NRSN1: variants seen among roughly 807,000 people sequenced by gnomAD.
NRSN1 encodes neurensin 1.
In NRSN1, 14 loss-of-function variants were observed where a neutral mutation model predicts 17.3. That is an observed-to-expected ratio of 0.81 (90% confidence interval 0.54 to 1.27). NRSN1 has a LOEUF of 1.27. NRSN1 is among the 50% of genes most tolerant of loss of function. The pLI is 0.00. For missense variants in NRSN1, 209 were observed against 235.9 expected (o/e 0.89, Z 0.75); for synonymous variants, 79 against 94.2 (o/e 0.84, Z 0.93).
chr6:24,143,436 A>G (rs957195486), intron 3 of NRSN1, among the ~76,000 whole-genome samples: 2 of 152,254 alleles, frequency 1.3e-5, no homozygotes, highest in Non-Finnish European at 2.9e-5. Flanking sequence ...TAGATGTTCA[A>G]TAATACCAGT....
chr6:24,145,494 C>T lies in NRSN1; in HGVS notation c.190-54C>T, dbSNP rs1257207801. 3.2e-5 allele frequency: 45 copies of T among 1,423,112 alleles called. No homozygotes were observed. The highest frequency in any genetic ancestry group is 6.8e-5 in the Admixed American group (3 of 44,054). The allele number at this position is 1,423,112 out of a possible 1,614,324, so 88.2% of individuals were successfully genotyped here. On this transcript the variant is annotated intron_variant, in intron 3 of 3. Transcript: ENST00000378491. The surrounding 1 kb of genome is among the most constrained non-coding windows in gnomAD (Gnocchi z 4.4). ...AGTGCTGCCCTTGAGGGCTCAGGGG[C>T]GAGCCGAAGCACCTTCCTCACTCTA...
At chr6:24,130,845 A>G (rs114286231) in intron 2 of NRSN1, among the ~76,000 whole-genome samples, 3,694 of 152,292 alleles carry the variant, frequency 0.024, 63 homozygotes, top group African/African-American at 0.051. Context: ...GACAAAAAAA[A>G]TCCTGAAAAG....
At chr6:24,129,551 C>T (rs1759997701) in intron 2 of NRSN1, 1 of 152,056 alleles carries the variant, frequency 6.6e-6, no homozygotes, top group Non-Finnish European at 1.5e-5. Context: ...GTAACAAGTG[C>T]TAGGAAGAGA....
intron 3 of NRSN1, among the ~76,000 whole-genome samples, chr6:24,137,299 T>C (rs1760131269): frequency 6.6e-6 from 1 of 152,232 alleles, no homozygotes; most frequent in Admixed American, 6.5e-5. Context: ...GCATAACATC[T>C]ATTTCACAGT....
At chr6:24,126,734 T>C (rs770547123) in intron 1 of NRSN1, among the ~76,000 whole-genome samples, 3 of 152,122 alleles carry the variant, frequency 2.0e-5, no homozygotes, top group Non-Finnish European at 2.9e-5. Flanking sequence ...AGTTGGTTTA[T>C]TTATCAGGCT....
At position 24,145,205 on chromosome 6, in the gene NRSN1, C is replaced by A; in HGVS notation, c.190-343C>A. Among the ~76,000 whole-genome samples the A allele has an allele frequency of 7.1e-6, 1 of 141,374 alleles. No homozygotes were observed. Among genetic ancestry groups the A allele is most frequent in the East Asian group, 2.0e-4 (1 of 4,998 alleles). The allele number at this position is 141,374 out of a possible 152,430, so 92.7% of individuals were successfully genotyped here. ...AGATCTTTAGCTATATATAATATAT[C>A]TTTAGATAATATAAAGATTATATAT... On this transcript the variant is annotated intron_variant, in intron 3 of 3. Coordinates refer to ENST00000378491, the MANE Select transcript of NRSN1 (RefSeq NM_080723.5). The surrounding 1 kb of genome is among the most constrained non-coding windows in gnomAD (Gnocchi z 4.4).
At chr6:24,136,664 A>G (rs1263950202) in intron 3 of NRSN1, among the ~76,000 whole-genome samples, 2 of 152,214 alleles carry the variant, frequency 1.3e-5, no homozygotes, top group African/African-American at 4.8e-5. Flanking sequence ...GTGATTTGTG[A>G]AGCTGTAAAC....
intron 3 of NRSN1, chr6:24,141,101 G>A: frequency 4.3e-6 from 6 of 1,380,610 alleles, no homozygotes; most frequent in Non-Finnish European, 5.6e-6. Flanking sequence ...TGAGCCTGGA[G>A]GAGGACCCTT....
Position 24,145,769 on chromosome 6 carries a change from G to T in NRSN1, c.411G>T (p.Ser137=). Residue 137 remains serine, a synonymous_variant, in exon 4 of 4, where the codon TCG becomes TCT. Coordinates refer to ENST00000378491, the MANE Select transcript of NRSN1 (RefSeq NM_080723.5). This position sits in a 1 kb window ranked among gnomAD's most constrained non-coding sequence, Gnocchi z 4.4. ...CCATGGCAGGGTGCCTGCTGATGTCGGTGTTTGTAAAGAGCTACTCCAAAG... is the reference window on the plus strand; with the variant it reads ...CCATGGCAGGGTGCCTGCTGATGTCTGTGTTTGTAAAGAGCTACTCCAAAG... ...GTSMAGCLLM[S]VFVKSYSKEE... is the part of the protein sequence containing the mutation. The T allele has an allele frequency of 6.2e-7, 1 of 1,614,150 alleles. No homozygotes were observed. The highest frequency in any genetic ancestry group is 8.5e-7 in the Non-Finnish European group (1 of 1,180,016).
chr6:24,143,954 A>C (rs570098330), intron 3 of NRSN1, among the ~76,000 whole-genome samples: 1 of 152,332 alleles, frequency 6.6e-6, no homozygotes, highest in Non-Finnish European at 1.5e-5. Flanking sequence ...TTCAAGTGCT[A>C]GGTGGTGGTG....
chr6:24,140,695 G>A (rs182613904), intron 3 of NRSN1, among the ~76,000 whole-genome samples: 2 of 152,334 alleles, frequency 1.3e-5, no homozygotes, highest in Admixed American at 6.5e-5. Context: ...ACGCAGGTTC[G>A]CGCTTCCAAC....
At chr6:24,141,551 C>T (rs965073947) in intron 3 of NRSN1, 9 of 155,242 alleles carry the variant, frequency 5.8e-5, no homozygotes, top group African/African-American at 1.9e-4. Context: ...CTGTCTTCCC[C>T]ACTACAGAGG....
In NRSN1 at chr6:24,145,531, T is replaced by G; in HGVS notation, c.190-17T>G. On this transcript the variant is annotated splice_polypyrimidine_tract_variant and intron_variant, in intron 3 of 3. Coordinates refer to ENST00000378491, the MANE Select transcript of NRSN1 (RefSeq NM_080723.5). The surrounding 1 kb of genome is among the most constrained non-coding windows in gnomAD (Gnocchi z 4.4). ...CCTTCCTCACTCTATCTTGCTTCTG[T>G]CATTATCTACCTGTAGGTTGGACTC... 6.4e-7 allele frequency: 1 copy of G among 1,553,734 alleles called. No individual in the cohort carries two copies. The highest frequency in any genetic ancestry group is 1.2e-5 in the South Asian group (1 of 80,690).
chr6:24,130,740 A>T (rs1760016201), intron 2 of NRSN1, among the ~76,000 whole-genome samples: 1 of 152,232 alleles, frequency 6.6e-6, no homozygotes, highest in African/African-American at 2.4e-5. Context: ...GTATAAAGTA[A>T]GAATTTGAGC....
chr6:24,132,130 T>C (rs1760043130), intron 2 of NRSN1, among the ~76,000 whole-genome samples: 1 of 152,188 alleles, frequency 6.6e-6, no homozygotes, highest in Non-Finnish European at 1.5e-5. Flanking sequence ...GCACCATTTT[T>C]CTAAGACCAG....
At chr6:24,143,267 G>A (rs1760250635) in intron 3 of NRSN1, among the ~76,000 whole-genome samples, 1 of 152,158 alleles carries the variant, frequency 6.6e-6, no homozygotes, top group South Asian at 2.1e-4. Flanking sequence ...AAAGTGCTAA[G>A]ATTACAGGCA....
At chr6:24,138,051 A>T (rs1760143861) in intron 3 of NRSN1, among the ~76,000 whole-genome samples, 1 of 152,212 alleles carries the variant, frequency 6.6e-6, no homozygotes, top group African/African-American at 2.4e-5. Flanking sequence ...GCCAGTTCAC[A>T]GAAGACTCTG....
chr6:24,139,637 C>T (rs1202598196), intron 3 of NRSN1, among the ~76,000 whole-genome samples: 3 of 152,160 alleles, frequency 2.0e-5, no homozygotes, highest in Non-Finnish European at 2.9e-5. Flanking sequence ...TGGTCTAGAG[C>T]TCAAAACAGA....
chr6:24,129,745 GTGCA>G (rs1406505592), intron 2 of NRSN1: 3 of 152,172 alleles, frequency 2.0e-5, no homozygotes, highest in Non-Finnish European at 4.4e-5. Context: ...ATGTATAACA[GTGCA>G]TGCAATTGAG....
Sources: gnomAD v4.1 joint callset for allele counts (sites outside exome capture counted in the v4.1 genomes callset) on GRCh38, gnomAD v4.1.1 for gene constraint, Gnocchi (gnomAD v3.1) non-coding constraint, MANE v1.5 for transcripts, NCBI Gene and HGNC (gene_info 2026-07-23, HGNC 2026-07-21) for gene names.